The following RABGAP1L variants were observed in gnomAD, a reference collection of about 807,000 sequenced individuals.
RABGAP1L encodes the protein rab GTPase-activating protein 1-like.
RABGAP1L carries 63 observed loss-of-function variants against 137.7 expected under a neutral mutation model. That is an observed-to-expected ratio of 0.46 (90% confidence interval 0.37 to 0.56). The LOEUF is 0.56. RABGAP1L is among the 20% of genes least tolerant of loss of function. The pLI, the probability that RABGAP1L is intolerant of heterozygous loss-of-function variation, is 0.00. For synonymous variants in RABGAP1L, 431 were observed against 433.7 expected (o/e 0.99, Z 0.08); for missense variants, 1,095 against 1,244.0 (o/e 0.88, Z 1.80).
chr1:174,639,715 C>T (rs1373452078), intron 14 of RABGAP1L, among the ~76,000 whole-genome samples: 1 of 152,002 alleles, frequency 6.6e-6, no homozygotes, highest in African/African-American at 2.4e-5. Flanking sequence ...TAGTATTTGC[C>T]TTGTTATGTA....
intron 11 of RABGAP1L, among the ~76,000 whole-genome samples, chr1:174,317,335 G>A (rs1679474917): frequency 6.6e-6 from 1 of 152,072 alleles, no homozygotes; most frequent in African/African-American, 2.4e-5. Context: ...GTTATTTCAT[G>A]TCCAAGGCTC....
At chr1:174,709,137 G>A (rs1680282658) in intron 17 of RABGAP1L, among the ~76,000 whole-genome samples, 2 of 152,186 alleles carry the variant, frequency 1.3e-5, no homozygotes, top group South Asian at 2.1e-4. Context: ...CATGCTCTCT[G>A]GGCAGGGCAT....
intron 1 of RABGAP1L, among the ~76,000 whole-genome samples, chr1:174,177,181 C>T (rs1037917642): frequency 1.1e-4 from 16 of 152,134 alleles, no homozygotes; most frequent in Non-Finnish European, 1.6e-4. Flanking sequence ...TTCTAACTGG[C>T]GTGAGATGGT....
At chr1:174,680,855 C>A (rs1431563515) in intron 14 of RABGAP1L, among the ~76,000 whole-genome samples, 3 of 152,102 alleles carry the variant, frequency 2.0e-5, no homozygotes, top group Non-Finnish European at 2.9e-5. Context: ...CCACCGCACA[C>A]CAGCCTGGGT....
chr1:174,857,795 G>C (rs1399534196), intron 19 of RABGAP1L, among the ~76,000 whole-genome samples: 1 of 152,088 alleles, frequency 6.6e-6, no homozygotes, highest in African/African-American at 2.4e-5. Context: ...GTGTATTCTT[G>C]TTGTAATCTA....
chr1:174,620,655 G>A (rs915423464), intron 13 of RABGAP1L, among the ~76,000 whole-genome samples: 12 of 151,820 alleles, frequency 7.9e-5, no homozygotes, highest in South Asian at 2.1e-4. Flanking sequence ...GGAAATTTAT[G>A]GCACTAAATA....
At position 174,990,115 on chromosome 1, in the gene RABGAP1L, T is replaced by A; in HGVS notation, c.*114T>A. On this transcript the variant is annotated 3_prime_UTR_variant, in exon 26 of 26. Transcript: ENST00000681986. ...AAGGAGGCCAGAAAACAAGCCAGAATTTTTCAGTAGCTCTCACTCTTTCTT... is the reference window on the plus strand; with the variant it reads ...AAGGAGGCCAGAAAACAAGCCAGAAATTTTCAGTAGCTCTCACTCTTTCTT... 7.7e-7 allele frequency: 1 copy of A among 1,291,520 alleles called. No homozygotes were observed. The allele number at this position is 1,291,520 out of a possible 1,614,324, so 80.0% of individuals were successfully genotyped here.
intron 13 of RABGAP1L, among the ~76,000 whole-genome samples, chr1:174,523,154 A>G (rs1309674030): frequency 1.3e-5 from 2 of 152,212 alleles, no homozygotes; most frequent in African/African-American, 4.8e-5. Flanking sequence ...TAAGAAGTCC[A>G]AGAAAGAAAG....
intron 7 of RABGAP1L, among the ~76,000 whole-genome samples, chr1:174,269,806 T>TC (rs1388669391): frequency 1.3e-5 from 2 of 152,052 alleles, no homozygotes; most frequent in African/African-American, 4.8e-5. Context: ...TTACTTATTT[T>TC]CCCCCCCACT....
intron 1 of RABGAP1L, among the ~76,000 whole-genome samples, chr1:174,215,505 A>G (rs1050651766): frequency 1.3e-5 from 2 of 152,062 alleles, no homozygotes. Context: ...TTAAAAATGG[A>G]CAATAGATTT....
chr1:174,922,789 C>A (rs567867039), intron 19 of RABGAP1L, among the ~76,000 whole-genome samples: 2 of 152,292 alleles, frequency 1.3e-5, no homozygotes, highest in Non-Finnish European at 1.5e-5. Flanking sequence ...TAGTTCAAAT[C>A]CCTTCTGTGC....
At chr1:174,984,886 G>C (rs1379834489) in intron 24 of RABGAP1L, among the ~76,000 whole-genome samples, 2 of 152,196 alleles carry the variant, frequency 1.3e-5, no homozygotes, top group African/African-American at 2.4e-5. Flanking sequence ...AAATTAGTTA[G>C]AGAGAAGTGT....
intron 18 of RABGAP1L, among the ~76,000 whole-genome samples, chr1:174,757,989 C>T (rs1414241294): frequency 1.3e-5 from 2 of 148,766 alleles, no homozygotes; most frequent in African/African-American, 2.5e-5. Flanking sequence ...CACCATTGCA[C>T]TCCAGCCTGA....
chr1:174,293,851 T>C lies in RABGAP1L; in HGVS notation c.1324-11135T>C, dbSNP rs188312848. Among the ~76,000 whole-genome samples, 10 of 152,270 alleles carry C rather than the reference T, an allele frequency of 6.6e-5. No homozygotes were observed. The East Asian group carries it at 9.6e-4, about 15-fold the overall frequency. ...GTTGGGGATATTTGAATGAGTATTA[T>C]CTATTCTCTGTTCTAAAACAGTAAA... On this transcript the variant is annotated intron_variant, in intron 10 of 25. Coordinates refer to ENST00000681986, the MANE Select transcript of RABGAP1L (RefSeq NM_001366446.1).
intron 3 of RABGAP1L, among the ~76,000 whole-genome samples, chr1:174,223,784 A>C (rs1669958816): frequency 6.6e-6 from 1 of 152,160 alleles, no homozygotes; most frequent in South Asian, 2.1e-4. Context: ...TAGCTAAGAA[A>C]ATTTTTAAAA....
chr1:174,247,809 A>G (rs1415192001), intron 5 of RABGAP1L, among the ~76,000 whole-genome samples: 1 of 152,098 alleles, frequency 6.6e-6, no homozygotes, highest in Non-Finnish European at 1.5e-5. Context: ...CTCTGCATAT[A>G]TACCTGGTTA....
In RABGAP1L at chr1:174,709,046, A is replaced by G. The variant is rs558718691; in HGVS notation, c.2169+6790A>G. Among the ~76,000 whole-genome samples the G allele has an allele frequency of 1.4e-4, 21 of 152,320 alleles. No individual in the cohort carries two copies. In the East Asian group the frequency reaches 3.7e-3, roughly 27 times the overall value. On this transcript the variant is annotated intron_variant, in intron 17 of 25. Coordinates refer to ENST00000681986, the MANE Select transcript of RABGAP1L (RefSeq NM_001366446.1). ...CAGTTTTCCCCTCACAGTGTAAACA[A>G]AGCCTCCAGGAAATTCGAACTAGTT...
intron 12 of RABGAP1L, among the ~76,000 whole-genome samples, chr1:174,373,474 C>T (rs1685271375): frequency 2.0e-5 from 3 of 152,212 alleles, no homozygotes; most frequent in South Asian, 4.1e-4. Flanking sequence ...CAGAGGAGGT[C>T]TGAGGAGCTG....
chr1:174,980,294 A>G (rs1160156437), intron 23 of RABGAP1L, among the ~76,000 whole-genome samples: 1 of 152,216 alleles, frequency 6.6e-6, no homozygotes. Flanking sequence ...TTACTCTTCT[A>G]TGATAATCAA....
Sources: gnomAD v4.1 joint callset for allele counts (sites outside exome capture counted in the v4.1 genomes callset) on GRCh38, gnomAD v4.1.1 for gene constraint, MANE v1.5 for transcripts, NCBI Gene and HGNC (gene_info 2026-07-23, HGNC 2026-07-21) for gene names.